NIBAN2: variants seen among roughly 807,000 people sequenced by gnomAD.
NIBAN2 encodes the protein niban apoptosis regulator 2.
In NIBAN2, 36 loss-of-function variants were observed where a neutral mutation model predicts 81.8. That is an observed-to-expected ratio of 0.44 (90% CI 0.34 to 0.58). NIBAN2 has a LOEUF of 0.58. NIBAN2 is among the 20% of genes least tolerant of loss of function. The pLI, the probability that NIBAN2 is intolerant of heterozygous loss-of-function variation, is 0.02. For synonymous variants in NIBAN2, 445 were observed against 441.6 expected (o/e 1.01, Z -0.10); for missense variants, 897 against 1,014.1 (o/e 0.88, Z 1.57).
At chr9:127,549,547 T>C (rs975206194) in intron 1 of NIBAN2, among the ~76,000 whole-genome samples, 1 of 152,206 alleles carries the variant, frequency 6.6e-6, no homozygotes, top group Admixed American at 6.5e-5. Context: ...CACACATGCA[T>C]GCTGCTGCCT....
In NIBAN2 at chr9:127,507,255, T is replaced by TGGCTGACTCCGGGGTGCTGGGGCTGG; in HGVS notation, c.1805_1830dup (p.Thr611ProfsTer151). 6.2e-7 allele frequency: 1 copy of TGGCTGACTCCGGGGTGCTGGGGCTGG among 1,607,834 alleles called. No homozygotes were observed. Among genetic ancestry groups the TGGCTGACTCCGGGGTGCTGGGGCTGG allele is most frequent in the Non-Finnish European group, 8.5e-7 (1 of 1,176,630 alleles). Reference sequence around the variant, plus strand: ...GCGCGCCGTCGCTTTTCCGAGAGGGTGGCTGACTCCGGGGTGCTGGGGCTG... The same window carrying TGGCTGACTCCGGGGTGCTGGGGCTGG: ...GCGCGCCGTCGCTTTTCCGAGAGGGTGGCTGACTCCGGGGTGCTGGGGCTGGGGCTGACTCCGGGGTGCTGGGGCTG... On this transcript the variant is annotated frameshift_variant, in exon 14 of 14. Coordinates refer to ENST00000373312, the MANE Select transcript of NIBAN2 (RefSeq NM_022833.4). LOFTEE classifies it low-confidence loss of function (END_TRUNC). The surrounding 1 kb of genome is among the most constrained non-coding windows in gnomAD (Gnocchi z 6.8).
chr9:127,519,174 C>CAAA (rs398046914), intron 5 of NIBAN2, among the ~76,000 whole-genome samples: 7 of 39,278 alleles, frequency 1.8e-4, no homozygotes, highest in Admixed American at 3.2e-4. Flanking sequence ...GACTCTGTCT[C>CAAA]AAAAAAAAAA....
chr9:127,509,482 C>T (rs1836686526), intron 9 of NIBAN2, among the ~76,000 whole-genome samples: 1 of 152,150 alleles, frequency 6.6e-6, no homozygotes, highest in Non-Finnish European at 1.5e-5. Context: ...GAGAGCTTTC[C>T]TGCTCTCCAA....
chr9:127,579,011 G>A, upstream of NIBAN2: 2 of 1,355,954 alleles, frequency 1.5e-6, no homozygotes, highest in Non-Finnish European at 1.0e-6. Context: ...GTCCTTGAGA[G>A]CTGTTTGCTG....
At chr9:127,523,249 A>C (rs1836995009) in intron 5 of NIBAN2, among the ~76,000 whole-genome samples, 1 of 101,412 alleles carries the variant, frequency 9.9e-6, no homozygotes, top group Non-Finnish European at 1.9e-5. Context: ...ATATATATAT[A>C]TATAAAATTA....
intron 8 of NIBAN2, 126 bp from the exon 9 acceptor site, chr9:127,510,459 C>A (rs544757588): frequency 8.5e-6 from 5 of 588,914 alleles, no homozygotes; most frequent in Non-Finnish European, 1.3e-5. Context: ...TTTTTTGAGA[C>A]GGAGTCTCGC....
chr9:127,549,904 G>A (rs972077629), intron 1 of NIBAN2, among the ~76,000 whole-genome samples: 58 of 152,216 alleles, frequency 3.8e-4, no homozygotes, highest in African/African-American at 1.2e-3. Flanking sequence ...GTGGGAGAAC[G>A]GCTCCCCTCC....
chr9:127,529,507 G>T (rs1365371445), intron 2 of NIBAN2, among the ~76,000 whole-genome samples: 2 of 152,196 alleles, frequency 1.3e-5, no homozygotes, highest in Non-Finnish European at 2.9e-5. Context: ...GGGTGTGGTG[G>T]TGGATGCCTG....
At chr9:127,519,572 C>G (rs1040943011) in intron 5 of NIBAN2, among the ~76,000 whole-genome samples, 1 of 152,274 alleles carries the variant, frequency 6.6e-6, no homozygotes, top group East Asian at 1.9e-4. Flanking sequence ...TCCCTCCTCT[C>G]CCCACACCCA....
chr9:127,570,023 TG>T (rs554361184), upstream of NIBAN2, among the ~76,000 whole-genome samples: 28 of 152,276 alleles, frequency 1.8e-4, no homozygotes, highest in East Asian at 4.6e-3. Context: ...GGTTAACCAG[TG>T]GGATCCCCAG....
intron 1 of NIBAN2, among the ~76,000 whole-genome samples, chr9:127,532,014 C>CA (rs1415465236): frequency 6.6e-6 from 1 of 152,226 alleles, no homozygotes; most frequent in African/African-American, 2.4e-5. Flanking sequence ...TGGCCATAGA[C>CA]AGAGAATCAA....
At chr9:127,575,408 A>G (rs1416172534) in intron 1 of NIBAN2, among the ~76,000 whole-genome samples, 2 of 151,346 alleles carry the variant, frequency 1.3e-5, no homozygotes, top group Non-Finnish European at 2.9e-5. Flanking sequence ...TGGTATTTTT[A>G]GTAGAGACGG....
rs371974644 is a variant in NIBAN2 at position 127,578,883 on chromosome 9, G to A, written c.16+39C>T. The A allele has an allele frequency of 9.9e-5, 158 of 1,597,196 alleles. 1 individual carries two copies. The highest frequency in any genetic ancestry group is 5.8e-4 in the South Asian group (52 of 89,210). The stretch of plus-strand genomic sequence containing the variant: ...AAACAAACAAACAAAAAAGAACCCC[G>A]TGTGCCTTGTGTCCTGGGGACTTGT... On this transcript the variant is annotated intron_variant, in intron 1 of 13. Coordinates refer to the NIBAN2 transcript ENST00000373314.
rs754252948 is a variant in NIBAN2, at chr9:127,508,097, T to G, written c.1538A>C (p.Lys513Thr). 1 of 1,613,516 alleles carries G rather than the reference T, an allele frequency of 6.2e-7. No individual in the cohort carries two copies. The change falls in exon 12 of 14, where the codon AAG (lysine) becomes ACG (threonine). Residue 513 changes from lysine to threonine, a missense_variant. By Grantham distance (78) the Lys-to-Thr change is moderately conservative. Transcript: ENST00000373312. This position sits in a 1 kb window ranked among gnomAD's most constrained non-coding sequence, Gnocchi z 6.4. ...FLLKKLAPTC[K>T]SELPRFQELI... is the part of the protein sequence containing the mutation. ...GAGCAGGTGGGGGCTGCTCACCGAC[T>G]TGCAGGTAGGGGCCAGCTTCTTGAG...
chr9:127,554,665 A>G (rs938709013), intron 1 of NIBAN2, among the ~76,000 whole-genome samples: 3 of 147,708 alleles, frequency 2.0e-5, no homozygotes, highest in Non-Finnish European at 4.4e-5. Context: ...AGTTAAAGCA[A>G]TCCTCCTGCC....
chr9:127,568,895 C>G lies in NIBAN2; in HGVS notation c.-21G>C, dbSNP rs1279655856. ...CCCATGGCCAGGAGGTGTCGCGGCC[C>G]GATCCGGCCGACGCCGCCGCTGTTG... On this transcript the variant is annotated 5_prime_UTR_variant, in exon 1 of 14. Transcript: ENST00000373312. 11 of 1,277,926 alleles carry G rather than the reference C, an allele frequency of 8.6e-6. No homozygotes were observed. Among genetic ancestry groups the G allele is most frequent in the Non-Finnish European group, 9.9e-6 (10 of 1,012,122 alleles). The allele number at this position is 1,277,926 out of a possible 1,614,324, so 79.2% of individuals were successfully genotyped here. A position where few individuals can be genotyped will look rare whatever the true frequency, so the allele number is the denominator to read the frequency against.
chr9:127,509,638 G>A (rs879395052), intron 9 of NIBAN2, among the ~76,000 whole-genome samples: 7 of 152,134 alleles, frequency 4.6e-5, no homozygotes, highest in African/African-American at 7.2e-5. Flanking sequence ...GGAGACTGTG[G>A]AAGGACGTTC....
rs1837464407 is a variant in NIBAN2, at chr9:127,545,997, C to T, written c.56-14219G>A. Among the ~76,000 whole-genome samples, 1 of 152,146 alleles carries T rather than the reference C, an allele frequency of 6.6e-6. No homozygotes were observed. Among genetic ancestry groups the T allele is most frequent in the South Asian group, 2.1e-4 (1 of 4,826 alleles). ...CACAGATCCTCGCTGGGAGGGCAGC[C>T]CAGGGGGTGCCGAGGCCCCCAGCAG... On this transcript the variant is annotated intron_variant, in intron 1 of 13. Transcript: ENST00000373312. The surrounding 1 kb of genome is among the most constrained non-coding windows in gnomAD (Gnocchi z 4.7).
At chr9:127,515,551 A>C (rs10429461) in intron 8 of NIBAN2, among the ~76,000 whole-genome samples, 97,731 of 139,274 alleles carry the variant, frequency 0.7, 35,760 homozygotes, top group Middle Eastern at 0.78. Context: ...AAACAAAAAA[A>C]ACAGGCCAGG....
Sources: allele counts gnomAD v4.1 joint callset (sites outside exome capture counted in the v4.1 genomes callset), GRCh38; gene constraint gnomAD v4.1.1; non-coding constraint Gnocchi (gnomAD v3.1); transcripts MANE v1.5; gene names NCBI Gene and HGNC (gene_info 2026-07-23, HGNC 2026-07-21).